The following SNRPA variants were observed in gnomAD, a reference collection of about 807,000 sequenced individuals.
SNRPA encodes the protein small nuclear ribonucleoprotein polypeptide A, also known as U1 small nuclear ribonucleoprotein A.
SNRPA carries 10 observed loss-of-function variants against 24.5 expected under a neutral mutation model. The ratio of observed to expected loss-of-function variants is 0.41; its 90% CI spans 0.25 to 0.69. The LOEUF (loss-of-function observed/expected upper bound fraction) is 0.69. SNRPA is among the 30% of genes least tolerant of loss of function. SNRPA has a pLI of 0.33. For synonymous variants in SNRPA, 165 were observed against 148.4 expected, an observed-to-expected ratio of 1.11 and a Z score of -0.81; for missense variants, 283 against 394.7, an observed-to-expected ratio of 0.72 and a Z score of 2.40.
chr19:40,764,523 CA>C (rs1220648184), intron 5 of SNRPA, among the ~76,000 whole-genome samples: 1 of 152,066 alleles, frequency 6.6e-6, no homozygotes, highest in Non-Finnish European at 1.5e-5. Context: ...AGAGAAACAG[CA>C]TATCAGAAAA....
intron 1 of SNRPA, among the ~76,000 whole-genome samples, chr19:40,755,666 A>G (rs574359960): frequency 1.3e-5 from 2 of 152,304 alleles, no homozygotes; most frequent in East Asian, 3.9e-4. Flanking sequence ...GTGAGCCACC[A>G]TGCTTGGCCA....
chr19:40,762,133 T>C (rs943674872), intron 3 of SNRPA, among the ~76,000 whole-genome samples: 4 of 152,186 alleles, frequency 2.6e-5, no homozygotes, highest in African/African-American at 9.6e-5. Flanking sequence ...GCCTGCCATC[T>C]GTTGTCTTCC....
intron 1 of SNRPA, chr19:40,756,958 A>G (rs1196528624): frequency 4.1e-6 from 1 of 244,144 alleles, no homozygotes; most frequent in Non-Finnish European, 8.1e-6. Context: ...AGGGCGGTGG[A>G]ATGTGGGCAG....
At chr19:40,757,295 A>C (rs773831751) in intron 1 of SNRPA, 37 bp from the exon 2 acceptor site, 1 of 1,608,542 alleles carries the variant, frequency 6.2e-7, no homozygotes, top group Non-Finnish European at 8.5e-7. Context: ...TTCTTCTAAA[A>C]AGGGGAGCTC....
chr19:40,764,913 G>T, intron 5 of SNRPA, 95 bp from the exon 6 acceptor site: 1 of 1,235,942 alleles, frequency 8.1e-7, no homozygotes, highest in Non-Finnish European at 1.1e-6. Context: ...CCTGTGCATT[G>T]GAGGCTATTT....
At chr19:40,761,458 C>CTTTTTTTTTTTTTTTTTTTTTT (rs200242370) in intron 3 of SNRPA, among the ~76,000 whole-genome samples, 41 of 85,872 alleles carry the variant, frequency 4.8e-4, no homozygotes, top group Non-Finnish European at 5.4e-4. Flanking sequence ...TTTTCTTTTT[C>CTTTTTTTTTTTTTTTTTTTTTT]TTTTTTTTTT....
rs1487090175 is a variant in SNRPA, at chr19:40,751,297, C to G, written c.-112C>G. ...CCCCTACTCCCGCCTTACCTGACTT[C>G]CTTTTCGGAGGAAGATCCTTGAGCA... On this transcript the variant is annotated 5_prime_UTR_variant, in exon 1 of 6. Coordinates refer to ENST00000243563, the MANE Select transcript of SNRPA (RefSeq NM_004596.5). 4.8e-6 allele frequency: 4 copies of G among 833,266 alleles called. No homozygotes were observed. In the African/African-American group the frequency reaches 6.7e-5, roughly 14 times the overall value. 51.6% of individuals were successfully genotyped at this position (833,266 alleles called of 1,614,324 possible). A position where few individuals can be genotyped will look rare whatever the true frequency, so the allele number is the denominator to read the frequency against.
At chr19:40,757,816 C>T (rs1206757197) in intron 2 of SNRPA, among the ~76,000 whole-genome samples, 1 of 151,482 alleles carries the variant, frequency 6.6e-6, no homozygotes, top group Admixed American at 6.6e-5. Flanking sequence ...GCAGCATGCA[C>T]CTGTAGTCCC....
chr19:40,754,097 G>A (rs2082898030), intron 1 of SNRPA, among the ~76,000 whole-genome samples: 1 of 133,094 alleles, frequency 7.5e-6, no homozygotes, highest in Non-Finnish European at 1.6e-5. Context: ...CCCAGCGCCC[G>A]GCGTTTTTTT....
chr19:40,763,550 G>A, intron 4 of SNRPA, 37 bp from the exon 5 acceptor site: 1 of 1,550,192 alleles, frequency 6.5e-7, no homozygotes, highest in Non-Finnish European at 8.9e-7. Flanking sequence ...CTGGACTCAG[G>A]GCTCTTGTGC....
chr19:40,752,590 A>T (rs1316238737), intron 1 of SNRPA, among the ~76,000 whole-genome samples: 2 of 148,628 alleles, frequency 1.3e-5, no homozygotes, highest in African/African-American at 2.4e-5. Flanking sequence ...AAAAAAAAAA[A>T]AAAAAAAAAA....
chr19:40,752,429 C>T (rs771200733), intron 1 of SNRPA, among the ~76,000 whole-genome samples: 1 of 147,634 alleles, frequency 6.8e-6, no homozygotes, highest in African/African-American at 2.5e-5. Context: ...TGAGGCCACC[C>T]GTATAGAATT....
At chr19:40,762,111 CCT>C (rs1469837717) in intron 3 of SNRPA, among the ~76,000 whole-genome samples, 2 of 152,160 alleles carry the variant, frequency 1.3e-5, no homozygotes, top group East Asian at 1.9e-4. Context: ...GATTCCAGCC[CCT>C]GAGTGTGCTG....
At chr19:40,763,978 A>C (rs2082944176) in intron 5 of SNRPA, among the ~76,000 whole-genome samples, 1 of 152,176 alleles carries the variant, frequency 6.6e-6, no homozygotes, top group Admixed American at 6.5e-5. Context: ...GGGGGCATGC[A>C]AGGCAAGGTA....
Position 40,757,735 on chromosome 19 carries a change from G to C in SNRPA, c.246+231G>C, listed in dbSNP as rs539680345. On this transcript the variant is annotated intron_variant, in intron 2 of 5. Transcript: ENST00000243563. ...AGGCAGGTGGATTACCTGAGCTCAGGAGTTTGCAGCCAGCCTGGGCAACAC... is the reference window on the plus strand; with the variant it reads ...AGGCAGGTGGATTACCTGAGCTCAGCAGTTTGCAGCCAGCCTGGGCAACAC... 2.3e-4 allele frequency among the ~76,000 whole-genome samples: 35 copies of C among 151,918 alleles called. 2 individuals are homozygous for C. The highest frequency in any genetic ancestry group is 2.3e-3 in the South Asian group (11 of 4,812).
chr19:40,757,814 C>A (rs1568484769), intron 2 of SNRPA, among the ~76,000 whole-genome samples: 1 of 151,420 alleles, frequency 6.6e-6, no homozygotes, highest in Non-Finnish European at 1.5e-5. Flanking sequence ...TGGCAGCATG[C>A]ACCTGTAGTC....
chr19:40,763,571 C>T lies in SNRPA; in HGVS notation c.601-16C>T, dbSNP rs1479841973. On this transcript the variant is annotated splice_polypyrimidine_tract_variant and intron_variant, in intron 4 of 5. Transcript: ENST00000243563. ...TCAGGGCTCTTGTGCTCACCGACTC[C>T]CCTATACCCCCGCAGCTTTCTGAGA... is the stretch of plus-strand genomic sequence containing the variant. 3 of 1,612,136 alleles carry T rather than the reference C, an allele frequency of 1.9e-6. No homozygotes were observed. Among genetic ancestry groups the T allele is most frequent in the Non-Finnish European group, 8.5e-7 (1 of 1,178,396 alleles).
At chr19:40,753,384 GTTTTTTTTTTTT>G (rs746525368) in intron 1 of SNRPA, among the ~76,000 whole-genome samples, 42 of 38,392 alleles carry the variant, frequency 1.1e-3, no homozygotes, top group Non-Finnish European at 1.5e-3. Context: ...TTTTGCATAT[GTTTTTTTTTTTT>G]TTTTTTTTTT....
intron 3 of SNRPA, 100 bp from the exon 4 acceptor site, chr19:40,762,801 G>GT (rs2082938241): frequency 7.6e-7 from 1 of 1,307,396 alleles, no homozygotes; most frequent in Non-Finnish European, 1.1e-6. Context: ...CTTTCTGGGT[G>GT]TTTTTCCTTA....
Sources: gnomAD v4.1 joint callset for allele counts (sites outside exome capture counted in the v4.1 genomes callset) on GRCh38, gnomAD v4.1.1 for gene constraint, MANE v1.5 for transcripts, NCBI Gene and HGNC (gene_info 2026-07-23, HGNC 2026-07-21) for gene names.